TMTC2: variants seen among roughly 807,000 people sequenced by gnomAD.
TMTC2 encodes the protein protein O-mannosyl-transferase TMTC2.
In TMTC2, 43 loss-of-function variants were observed where a neutral mutation model predicts 82.4. The observed-to-expected ratio is 0.52, with a 90% CI of 0.41 to 0.67. The LOEUF is 0.67. Ranked by LOEUF, TMTC2 falls within the 30% of genes least tolerant of loss-of-function variation. TMTC2 has a pLI of 0.00. For synonymous variants in TMTC2, 408 were observed against 381.9 expected (o/e 1.07, Z -0.80); for missense variants, 919 against 1,012.4 (o/e 0.91, Z 1.25).
rs114540534 is a variant in TMTC2, at chr12:82,747,548, A to G, written c.83+59879A>G. On this transcript the variant is annotated intron_variant, in intron 1 of 11. Transcript: ENST00000321196. ...TGTAATGAAGGAAAGAAATGGAAGA[A>G]AAAGGTAATTTCAGGAAAGCATTAT... Among the ~76,000 whole-genome samples, 156 of 152,348 alleles carry G rather than the reference A, an allele frequency of 1.0e-3. 1 individual carries two copies. The highest frequency in any genetic ancestry group is 3.6e-3 in the African/African-American group (148 of 41,588).
At chr12:83,093,615 T>C (rs1420195128) in intron 11 of TMTC2, among the ~76,000 whole-genome samples, 1 of 152,210 alleles carries the variant, frequency 6.6e-6, no homozygotes, top group East Asian at 1.9e-4. Flanking sequence ...CTGCTGAATC[T>C]GTACAGGGGA....
chr12:82,700,720 C>A (rs145390392), intron 1 of TMTC2, among the ~76,000 whole-genome samples: 1 of 152,206 alleles, frequency 6.6e-6, no homozygotes, highest in African/African-American at 2.4e-5. Context: ...AAATTCTTTA[C>A]CATGATTGAC....
intron 4 of TMTC2, among the ~76,000 whole-genome samples, chr12:82,937,793 T>TAC (rs1876461262): frequency 1.3e-4 from 3 of 23,370 alleles, no homozygotes; most frequent in African/African-American, 3.6e-4. Context: ...TATATATATA[T>TAC]ATACACACAT....
chr12:82,766,177 A>T (rs1565741004), intron 1 of TMTC2, among the ~76,000 whole-genome samples: 1 of 152,174 alleles, frequency 6.6e-6, no homozygotes, highest in Non-Finnish European at 1.5e-5. Flanking sequence ...CCTATGTTCA[A>T]TATCACCTCA....
intron 2 of TMTC2, among the ~76,000 whole-genome samples, chr12:82,890,900 C>T (rs1208400353): frequency 6.6e-6 from 1 of 152,230 alleles, no homozygotes; most frequent in East Asian, 1.9e-4. Context: ...TTCTAATGCT[C>T]CCTATCAAAG....
chr12:82,854,395 C>A (rs905523661), intron 1 of TMTC2, among the ~76,000 whole-genome samples: 1 of 152,138 alleles, frequency 6.6e-6, no homozygotes, highest in African/African-American at 2.4e-5. Flanking sequence ...CCTAAGGACA[C>A]CTTGTGGGCC....
In TMTC2 at chr12:83,061,813, A is replaced by G. The variant is rs904546549; in HGVS notation, c.2313A>G (p.Ala771=). Residue 771 remains alanine, a synonymous_variant, in exon 11 of 12, where the codon GCA becomes GCG. Coordinates refer to ENST00000321196, the MANE Select transcript of TMTC2 (RefSeq NM_152588.3). Reference sequence around the variant, plus strand: ...CAGCTGAGAAGTATTATGATCTGGCAGCCAGGCTGAGGCCTAATGTAAGTA... The same window carrying G: ...CAGCTGAGAAGTATTATGATCTGGCGGCCAGGCTGAGGCCTAATGTAAGTA... ...NEAAEKYYDL[A]ARLRPNYPAA... The G allele has an allele frequency of 2.3e-5, 36 of 1,596,640 alleles. No homozygotes were observed. Among genetic ancestry groups the G allele is most frequent in the Non-Finnish European group, 2.7e-5 (32 of 1,171,976 alleles).
chr12:82,771,062 C>G (rs753249597), intron 1 of TMTC2, among the ~76,000 whole-genome samples: 42 of 151,974 alleles, frequency 2.8e-4, no homozygotes, highest in Non-Finnish European at 4.7e-4. Flanking sequence ...CAAAAATTAG[C>G]CAGGCATGGT....
At chr12:82,956,732 G>A (rs1326791314) in intron 4 of TMTC2, among the ~76,000 whole-genome samples, 2 of 152,078 alleles carry the variant, frequency 1.3e-5, no homozygotes, top group Non-Finnish European at 2.9e-5. Context: ...AGGATTACAG[G>A]GATGAGCCAC....
At chr12:83,084,672 AT>A (rs1883590483) in intron 11 of TMTC2, among the ~76,000 whole-genome samples, 1 of 152,200 alleles carries the variant, frequency 6.6e-6, no homozygotes, top group South Asian at 2.1e-4. Flanking sequence ...TTCCTGTGCT[AT>A]TGTCTGTGGA....
chr12:83,050,206 C>T (rs1488096603), intron 9 of TMTC2, among the ~76,000 whole-genome samples: 2 of 152,174 alleles, frequency 1.3e-5, no homozygotes, highest in East Asian at 1.9e-4. Flanking sequence ...GCATTACTAC[C>T]GTTACTGTTC....
chr12:83,030,273 AT>A (rs1417528740), intron 8 of TMTC2, among the ~76,000 whole-genome samples: 3 of 152,164 alleles, frequency 2.0e-5, no homozygotes, highest in Non-Finnish European at 4.4e-5. Flanking sequence ...TTTGGCATAC[AT>A]ACATTATAAG....
chr12:83,050,743 T>C (rs547525118), intron 9 of TMTC2, among the ~76,000 whole-genome samples, 161 bp from the exon 10 acceptor site: 1 of 152,286 alleles, frequency 6.6e-6, no homozygotes, highest in East Asian at 1.9e-4. Flanking sequence ...AAATGTTCCA[T>C]AGTTAAGCAA....
At chr12:82,701,184 T>G (rs954227458) in intron 1 of TMTC2, among the ~76,000 whole-genome samples, 12 of 152,140 alleles carry the variant, frequency 7.9e-5, no homozygotes, top group African/African-American at 2.7e-4. Flanking sequence ...ATGATTCTAT[T>G]CTACAGTATA....
At chr12:82,900,856 A>C (rs1205016822) in intron 3 of TMTC2, among the ~76,000 whole-genome samples, 4 of 131,558 alleles carry the variant, frequency 3.0e-5, no homozygotes, top group Admixed American at 1.7e-4. Context: ...GAATATATAT[A>C]CCTGGAATAT....
chr12:83,108,947 CT>C (rs1190971168), intron 11 of TMTC2, among the ~76,000 whole-genome samples: 1 of 152,132 alleles, frequency 6.6e-6, no homozygotes, highest in African/African-American at 2.4e-5. Context: ...ATATCAGTCA[CT>C]TTCTTTATTC....
chr12:82,885,094 G>T (rs1020498045), intron 2 of TMTC2, among the ~76,000 whole-genome samples: 2 of 150,830 alleles, frequency 1.3e-5, no homozygotes, highest in African/African-American at 4.9e-5. Flanking sequence ...GTAGAGATGG[G>T]CTCTTACTTT....
chr12:82,933,558 G>A (rs1346621685), intron 4 of TMTC2, among the ~76,000 whole-genome samples: 1 of 152,144 alleles, frequency 6.6e-6, no homozygotes, highest in Non-Finnish European at 1.5e-5. Flanking sequence ...CACATAACGT[G>A]ATAATACCCC....
rs377346793 is a variant in TMTC2 at position 83,074,811 on chromosome 12, G to T, written c.2331+12980G>T. ...CCACCTCCCAGCTGTGAAGGAAAAG[G>T]TTTGGTTCTTCCCCCGCCTTTGGAG... On this transcript the variant is annotated intron_variant, in intron 11 of 11. Coordinates refer to ENST00000321196, the MANE Select transcript of TMTC2 (RefSeq NM_152588.3). Among the ~76,000 whole-genome samples, 167 of 152,276 alleles carry T rather than the reference G, an allele frequency of 1.1e-3. 3 individuals carry two copies. The highest frequency in any genetic ancestry group is 3.9e-3 in the African/African-American group (163 of 41,562).
Sources: gnomAD v4.1 joint callset for allele counts (sites outside exome capture counted in the v4.1 genomes callset) on GRCh38, gnomAD v4.1.1 for gene constraint, MANE v1.5 for transcripts, NCBI Gene and HGNC (gene_info 2026-07-23, HGNC 2026-07-21) for gene names.